MEGF11: variants seen among roughly 807,000 people sequenced by gnomAD.
The protein encoded by MEGF11 is multiple EGF like domains 11.
A neutral mutation model predicts 146.6 loss-of-function variants in MEGF11; 126 were observed. That is an observed-to-expected ratio of 0.86 (90% CI 0.74 to 1.00). MEGF11 has a LOEUF of 1.00. Among genes scored for constraint, MEGF11 ranks in the 50% least tolerant of loss-of-function variants. The pLI is 0.00. For synonymous variants in MEGF11, 532 were observed against 583.4 expected (o/e 0.91, Z 1.27); for missense variants, 1,509 against 1,521.2 (o/e 0.99, Z 0.13).
intron 10 of MEGF11, among the ~76,000 whole-genome samples, chr15:65,952,637 G>A (rs1425895464): frequency 1.3e-5 from 2 of 152,212 alleles, no homozygotes; most frequent in African/African-American, 4.8e-5. Context: ...TCATGAGGCT[G>A]TCCAAGGTGC....
At chr15:66,026,726 G>A (rs1330268863) in intron 5 of MEGF11, among the ~76,000 whole-genome samples, 1 of 151,580 alleles carries the variant, frequency 6.6e-6, no homozygotes, top group Non-Finnish European at 1.5e-5. Context: ...CTGACCTCAT[G>A]ATCCACCCAC....
chr15:66,159,325 A>G (rs147042138), intron 1 of MEGF11, among the ~76,000 whole-genome samples: 2 of 152,132 alleles, frequency 1.3e-5, no homozygotes, highest in Admixed American at 1.3e-4. Flanking sequence ...ATCTTGAAAT[A>G]TTTTCCTTCC....
intron 1 of MEGF11, among the ~76,000 whole-genome samples, chr15:66,252,282 C>G (rs2092384106): frequency 1.4e-5 from 2 of 141,410 alleles, no homozygotes; most frequent in East Asian, 4.7e-4. Flanking sequence ...CCTGGCAGAG[C>G]GCCGGAGGGG....
At chr15:66,249,473 A>G (rs1203279992) in intron 1 of MEGF11, among the ~76,000 whole-genome samples, 3 of 152,174 alleles carry the variant, frequency 2.0e-5, no homozygotes, top group South Asian at 4.1e-4. Context: ...TCTACATCCA[A>G]TACACGACAC....
chr15:65,931,000 G>T, intron 10 of MEGF11, 57 bp from the exon 11 acceptor site: 1 of 1,470,716 alleles, frequency 6.8e-7, no homozygotes, highest in Non-Finnish European at 9.1e-7. Context: ...GGATGGCTGT[G>T]GTAGGCAGGA....
At chr15:66,140,781 G>A (rs1188924673) in intron 1 of MEGF11, among the ~76,000 whole-genome samples, 2 of 152,330 alleles carry the variant, frequency 1.3e-5, no homozygotes, top group East Asian at 1.9e-4. Context: ...GGCAGGCTTG[G>A]GAGAGCAGGC....
intron 1 of MEGF11, among the ~76,000 whole-genome samples, chr15:66,232,278 A>G (rs992794078): frequency 5.3e-5 from 8 of 152,124 alleles, no homozygotes; most frequent in Non-Finnish European, 1.0e-4. Flanking sequence ...TCCCAGACCC[A>G]TAGCTTAACC....
At chr15:66,130,820 G>A (rs2088617368) in intron 1 of MEGF11, among the ~76,000 whole-genome samples, 1 of 151,944 alleles carries the variant, frequency 6.6e-6, no homozygotes, top group Non-Finnish European at 1.5e-5. Context: ...TCACCACATG[G>A]GGGCAACTCA....
rs115948727 is a variant in MEGF11, at chr15:65,991,325, T to C, written c.395-8837A>G. 1.2e-3 allele frequency among the ~76,000 whole-genome samples: 176 copies of C among 152,280 alleles called. 1 individual carries two copies. The highest frequency in any genetic ancestry group is 3.8e-3 in the African/African-American group (158 of 41,542). On this transcript the variant is annotated intron_variant, in intron 5 of 25. Transcript: ENST00000395614. ...AATTTTCTTACTAATCCTGTGCCAG[T>C]TATTCATACCCTGCCTCATTCCAAA...
At chr15:65,928,290 A>C (rs1596854000) in intron 13 of MEGF11, 135 bp downstream of exon 13, 3 of 554,060 alleles carry the variant, frequency 5.4e-6, no homozygotes, top group South Asian at 6.0e-5. Flanking sequence ...ACTGGAACCC[A>C]GAGCAGATAA....
intron 5 of MEGF11, among the ~76,000 whole-genome samples, chr15:66,083,853 G>A (rs2085995012): frequency 2.6e-5 from 4 of 152,302 alleles, no homozygotes; most frequent in Admixed American, 2.6e-4. Flanking sequence ...GGAGATCAAG[G>A]CTGAAGTGAG....
chr15:65,935,619 G>A (rs1201278369), intron 10 of MEGF11, among the ~76,000 whole-genome samples: 1 of 151,996 alleles, frequency 6.6e-6, no homozygotes, highest in Non-Finnish European at 1.5e-5. Context: ...AACTCTTTGT[G>A]TTTTTTTTCC....
chr15:65,953,736 G>A (rs568187292), intron 10 of MEGF11, among the ~76,000 whole-genome samples: 7 of 152,050 alleles, frequency 4.6e-5, no homozygotes, highest in African/African-American at 9.6e-5. Context: ...TGGGAAGGAA[G>A]TGGAAGTGTG....
At chr15:65,977,680 A>C (rs1039463281) in intron 7 of MEGF11, among the ~76,000 whole-genome samples, 3 of 151,790 alleles carry the variant, frequency 2.0e-5, no homozygotes, top group South Asian at 2.1e-4. Flanking sequence ...GGGTTTCACC[A>C]TGCAAAACCT....
chr15:65,992,961 T>C (rs16949219), intron 5 of MEGF11, among the ~76,000 whole-genome samples: 51,467 of 151,970 alleles, frequency 0.34, 9,138 homozygotes, highest in East Asian at 0.61. Context: ...GGAGTTCTTT[T>C]ATACTTTGTT....
At chr15:65,951,849 T>C (rs1171347493) in intron 10 of MEGF11, among the ~76,000 whole-genome samples, 3 of 152,038 alleles carry the variant, frequency 2.0e-5, no homozygotes, top group Admixed American at 6.6e-5. Flanking sequence ...TTTTTTTTTT[T>C]TAAATAGCTG....
At chr15:66,111,206 C>T (rs1439323599) in intron 4 of MEGF11, among the ~76,000 whole-genome samples, 3 of 152,150 alleles carry the variant, frequency 2.0e-5, no homozygotes, top group Admixed American at 6.5e-5. Context: ...CAGGTGAAAG[C>T]GCCGGCTAAA....
chr15:66,228,512 G>C (rs1176158896), intron 1 of MEGF11, among the ~76,000 whole-genome samples: 1 of 152,184 alleles, frequency 6.6e-6, no homozygotes, highest in Non-Finnish European at 1.5e-5. Context: ...ACACACAGCA[G>C]GACGGAAAAC....
At chr15:66,088,452 G>C (rs117259336) in intron 5 of MEGF11, among the ~76,000 whole-genome samples, 2,845 of 152,314 alleles carry the variant, frequency 0.019, 41 homozygotes, top group Non-Finnish European at 0.026. Flanking sequence ...AGGAGTTCAA[G>C]GTCAGCTTGG....
Sources: allele counts gnomAD v4.1 joint callset (sites outside exome capture counted in the v4.1 genomes callset), GRCh38; gene constraint gnomAD v4.1.1; transcripts MANE v1.5; gene names NCBI Gene and HGNC (gene_info 2026-07-23, HGNC 2026-07-21).